Variants in PARD3 observed in about 807,000 individuals in gnomAD.
PARD3 encodes the protein par-3 family cell polarity regulator.
In PARD3, 75 loss-of-function variants were observed where a neutral mutation model predicts 155.4. That is an observed-to-expected ratio of 0.48 (90% CI 0.40 to 0.58). The LOEUF (loss-of-function observed/expected upper bound fraction) is 0.58, where lower values mean the gene tolerates loss of function less well. PARD3 is among the 20% of genes least tolerant of loss of function. The probability of loss-of-function intolerance (pLI) is 0.00; values close to 1 mark genes in which losing one functional copy is unlikely to be tolerated. For missense variants in PARD3, 1,642 were observed against 1,721.7 expected (o/e 0.95, Z 0.82); for synonymous variants, 576 against 610.5 (o/e 0.94, Z 0.83).
chr10:34,188,759 TC>T (rs200299633), intron 22 of PARD3, among the ~76,000 whole-genome samples: 5 of 151,672 alleles, frequency 3.3e-5, no homozygotes, highest in African/African-American at 1.2e-4. Flanking sequence ...TTTTTTTTTT[TC>T]CAGCAATGAT....
chr10:34,179,316 G>T (rs1215157623), intron 22 of PARD3, among the ~76,000 whole-genome samples: 1 of 152,178 alleles, frequency 6.6e-6, no homozygotes, highest in African/African-American at 2.4e-5. Context: ...GAACATTTCT[G>T]CTGTGTGAAT....
intron 22 of PARD3, among the ~76,000 whole-genome samples, chr10:34,197,431 C>T (rs1376394947): frequency 3.3e-5 from 5 of 152,172 alleles, no homozygotes; most frequent in Non-Finnish European, 7.3e-5. Flanking sequence ...ACACAGGCCA[C>T]CCGCCCATTC....
intron 22 of PARD3, among the ~76,000 whole-genome samples, chr10:34,163,369 C>G (rs1949375783): frequency 6.6e-6 from 1 of 152,044 alleles, no homozygotes; most frequent in African/African-American, 2.4e-5. Context: ...TATGCTGGTT[C>G]TTAAAAGAGA....
chr10:34,158,075 T>G (rs1246425221), intron 22 of PARD3, among the ~76,000 whole-genome samples: 1 of 152,230 alleles, frequency 6.6e-6, no homozygotes, highest in East Asian at 1.9e-4. Flanking sequence ...GATGTCAGCC[T>G]ACTCAGACAA....
chr10:34,470,020 C>T (rs913002540), intron 4 of PARD3, 65 bp downstream of exon 4: 1 of 1,323,472 alleles, frequency 7.6e-7, no homozygotes, highest in Admixed American at 2.3e-5. Flanking sequence ...AGACACGACA[C>T]TCATCACGGA....
chr10:34,765,545 G>A (rs1837982713), intron 1 of PARD3, among the ~76,000 whole-genome samples: 1 of 152,016 alleles, frequency 6.6e-6, no homozygotes, highest in Admixed American at 6.6e-5. Flanking sequence ...AGGCATAGTG[G>A]TGCATACCTG....
At chr10:34,194,745 A>G (rs1950868458) in intron 22 of PARD3, among the ~76,000 whole-genome samples, 1 of 151,704 alleles carries the variant, frequency 6.6e-6, no homozygotes, top group African/African-American at 2.4e-5. Flanking sequence ...CCTGAAGGGG[A>G]TCAATCTCCA....
In PARD3 at chr10:34,162,509, T is replaced by C. The variant is rs535984073; in HGVS notation, c.3420-30926A>G. Among the ~76,000 whole-genome samples, 7 of 152,362 alleles carry C rather than the reference T, an allele frequency of 4.6e-5. No individual in the cohort carries two copies. In the East Asian group the frequency reaches 1.4e-3, roughly 29 times the overall value. The stretch of plus-strand genomic sequence containing the variant: ...TGTCACATACACATGTGAGTATGTA[T>C]ATACACATATTCGTGTTATTATATG... On this transcript the variant is annotated intron_variant, in intron 22 of 24. Transcript: ENST00000374788.
intron 3 of PARD3, among the ~76,000 whole-genome samples, chr10:34,504,620 G>C (rs528099415): frequency 1.6e-4 from 24 of 152,210 alleles, no homozygotes; most frequent in African/African-American, 5.5e-4. Flanking sequence ...ACTACCAGCT[G>C]TCCATTCCAT....
intron 1 of PARD3, among the ~76,000 whole-genome samples, chr10:34,754,647 T>C (rs777431197): frequency 2.6e-5 from 4 of 152,238 alleles, no homozygotes; most frequent in Non-Finnish European, 5.9e-5. Context: ...TTCTTTCTTT[T>C]ACTAACATGT....
chr10:34,269,576 T>C (rs953243283), intron 22 of PARD3, 81 bp downstream of exon 22: 139 of 1,480,068 alleles, frequency 9.4e-5, no homozygotes, highest in African/African-American at 7.0e-5. Context: ...GGTTTGAGGA[T>C]TGATGAATGG....
At chr10:34,279,506 A>C (rs1008601115) in intron 21 of PARD3, among the ~76,000 whole-genome samples, 5 of 152,294 alleles carry the variant, frequency 3.3e-5, no homozygotes, top group African/African-American at 1.2e-4. Flanking sequence ...GATAGAAAAA[A>C]TGTTTCTCTT....
Position 34,359,127 on chromosome 10 carries a change from C to A in PARD3, c.2067+20G>T. 3 of 1,595,574 alleles carry A rather than the reference C, an allele frequency of 1.9e-6. No individual in the cohort carries two copies. Among genetic ancestry groups the A allele is most frequent in the Non-Finnish European group, 2.6e-6 (3 of 1,167,360 alleles). The stretch of plus-strand genomic sequence containing the variant: ...GTTTATTTACAATTTTAGATACTAG[C>A]ACTTTTTTGCATTTCTTACCTCATT... On this transcript the variant is annotated intron_variant, in intron 14 of 24. Transcript: ENST00000374788.
intron 1 of PARD3, among the ~76,000 whole-genome samples, chr10:34,744,388 G>A (rs551877388): frequency 6.6e-6 from 1 of 152,158 alleles, no homozygotes; most frequent in Non-Finnish European, 1.5e-5. Context: ...ATATTTGGTC[G>A]TTTATGATTT....
At chr10:34,761,927 T>C (rs544632942) in intron 1 of PARD3, among the ~76,000 whole-genome samples, 14 of 152,022 alleles carry the variant, frequency 9.2e-5, no homozygotes, top group South Asian at 2.1e-4. Flanking sequence ...AAACATAACA[T>C]AGATATAAAT....
At chr10:34,619,712 T>A (rs1303257979) in intron 2 of PARD3, among the ~76,000 whole-genome samples, 1 of 152,156 alleles carries the variant, frequency 6.6e-6, no homozygotes, top group Non-Finnish European at 1.5e-5. Flanking sequence ...ATAAATAGCA[T>A]TTTAGGATCA....
intron 12 of PARD3, among the ~76,000 whole-genome samples, chr10:34,369,227 C>G (rs1400399688): frequency 2.0e-5 from 3 of 152,094 alleles, no homozygotes; most frequent in African/African-American, 7.2e-5. Context: ...CGCATGTGGT[C>G]CAGGATGGCT....
intron 2 of PARD3, among the ~76,000 whole-genome samples, chr10:34,559,043 C>G (rs1371940369): frequency 6.6e-6 from 1 of 150,758 alleles, no homozygotes; most frequent in Non-Finnish European, 1.5e-5. Flanking sequence ...ACTCATTTTT[C>G]CCCCCCACAG....
intron 20 of PARD3, among the ~76,000 whole-genome samples, chr10:34,287,506 T>C (rs1276844536): frequency 1.3e-5 from 2 of 151,990 alleles, no homozygotes; most frequent in Admixed American, 1.3e-4. Context: ...CTTTAAGAAA[T>C]AGTGTACATA....
Sources: gnomAD v4.1 joint callset for allele counts (sites outside exome capture counted in the v4.1 genomes callset) on GRCh38, gnomAD v4.1.1 for gene constraint, MANE v1.5 for transcripts, NCBI Gene and HGNC (gene_info 2026-07-23, HGNC 2026-07-21) for gene names.